Variants in PPFIA1 observed in about 807,000 individuals in gnomAD.
The protein encoded by PPFIA1 is liprin-alpha-1.
PPFIA1 carries 25 observed loss-of-function variants against 149.9 expected under a neutral mutation model. That is an observed-to-expected ratio of 0.17 (90% CI 0.12 to 0.23). PPFIA1 has a LOEUF of 0.23. Among genes scored for constraint, PPFIA1 ranks in the 10% least tolerant of loss-of-function variants. The pLI is 1.00. For missense variants in PPFIA1, 1,362 were observed against 1,506.5 expected (o/e 0.90, Z 1.59); for synonymous variants, 549 against 552.8 (o/e 0.99, Z 0.10).
At chr11:70,325,601 G>T in intron 5 of PPFIA1, 27 bp downstream of exon 5, 1 of 1,456,994 alleles carries the variant, frequency 6.9e-7, no homozygotes, top group South Asian at 1.1e-5. Context: ...ATCATGAGTT[G>T]AATTGGGGGG....
chr11:70,296,963 C>A (rs693315), intron 2 of PPFIA1, among the ~76,000 whole-genome samples: 69,817 of 151,854 alleles, frequency 0.46, 18,445 homozygotes, highest in African/African-American at 0.72. Context: ...TAATTCATGA[C>A]GCTCTCAGAA....
chr11:70,354,574 T>C (rs2056253883), intron 17 of PPFIA1, 122 bp downstream of exon 17: 2 of 1,117,138 alleles, frequency 1.8e-6, no homozygotes, highest in Admixed American at 2.8e-5. Context: ...TTAATTCAGT[T>C]GAGTGTATTT....
At chr11:70,362,903 A>T (rs574639642) in intron 21 of PPFIA1, 217 of 158,816 alleles carry the variant, frequency 1.4e-3, no homozygotes, top group Admixed American at 2.7e-3. Flanking sequence ...CTGGGATTAC[A>T]GGCGTGAGCC....
intron 15 of PPFIA1, among the ~76,000 whole-genome samples, chr11:70,344,531 G>A (rs1289934493): frequency 6.6e-6 from 1 of 152,228 alleles, no homozygotes; most frequent in African/African-American, 2.4e-5. Context: ...AAAGGAGCGC[G>A]TTGCTATCAC....
chr11:70,317,698 G>A (rs894897340), intron 2 of PPFIA1, among the ~76,000 whole-genome samples: 1 of 152,090 alleles, frequency 6.6e-6, no homozygotes, highest in Admixed American at 6.6e-5. Context: ...CGTGCTGGGG[G>A]GTTTGTGCAT....
chr11:70,319,673 G>A (rs2053824958), intron 2 of PPFIA1, among the ~76,000 whole-genome samples: 2 of 152,176 alleles, frequency 1.3e-5, no homozygotes, highest in Non-Finnish European at 2.9e-5. Flanking sequence ...AAAGCCTGTA[G>A]ATAAGGTGAT....
At chr11:70,292,374 T>C (rs561162618) in intron 2 of PPFIA1, among the ~76,000 whole-genome samples, 1 of 152,308 alleles carries the variant, frequency 6.6e-6, no homozygotes, top group African/African-American at 2.4e-5. Flanking sequence ...GATTCCCACA[T>C]TGGAGCGCGG....
chr11:70,305,361 C>T (rs750454968), intron 2 of PPFIA1, among the ~76,000 whole-genome samples: 11 of 152,020 alleles, frequency 7.2e-5, no homozygotes, highest in African/African-American at 1.7e-4. Flanking sequence ...ACCAACCCAC[C>T]GACTCATCTG....
chr11:70,333,421 G>A (rs1233400875), intron 9 of PPFIA1, 49 bp from the exon 10 acceptor site: 12 of 1,468,616 alleles, frequency 8.2e-6, no homozygotes, highest in Middle Eastern at 1.7e-4. Context: ...GCAGCATGTC[G>A]TTAATGAAGT....
chr11:70,296,501 G>A (rs1055104371), intron 2 of PPFIA1, among the ~76,000 whole-genome samples: 1 of 152,138 alleles, frequency 6.6e-6, no homozygotes, highest in African/African-American at 2.4e-5. Context: ...CCAACACAGC[G>A]AAACCCCGTC....
chr11:70,345,720 G>A (rs1033488153), intron 15 of PPFIA1, among the ~76,000 whole-genome samples: 1 of 152,136 alleles, frequency 6.6e-6, no homozygotes, highest in Non-Finnish European at 1.5e-5. Flanking sequence ...CCAGCTACTT[G>A]GGAGGCTGAG....
At position 70,330,156 on chromosome 11, in the gene PPFIA1, T is replaced by C. The variant is rs760811728; in HGVS notation, c.931-17T>C. 8 of 1,571,306 alleles carry C rather than the reference T, an allele frequency of 5.1e-6. No individual in the cohort carries two copies. In the South Asian group the frequency reaches 9.5e-5, roughly 19 times the overall value. On this transcript the variant is annotated splice_polypyrimidine_tract_variant and intron_variant, in intron 7 of 27. Coordinates refer to ENST00000253925, the MANE Select transcript of PPFIA1 (RefSeq NM_003626.5). ...TAATTACCTACTTTTTTGTCCCCTC[T>C]GAAATACCTAATTTAGGCCATGGCC...
Position 70,343,725 on chromosome 11 carries a change from A to C in PPFIA1, c.1764A>C (p.Ala588=). ...GTGCCCAGCAAGCTAGTGTCTTGGC[A>C]AATGTAGCACAAGCATTCGAGAGTG... is the stretch of plus-strand genomic sequence containing the variant. ...WERAQQASVL[A]NVAQAFESDA... The change falls in exon 15 of 28, where the codon GCA becomes GCC. Residue 588 remains alanine, a synonymous_variant. Coordinates refer to ENST00000253925, the MANE Select transcript of PPFIA1 (RefSeq NM_003626.5). 6.2e-7 allele frequency: 1 copy of C among 1,614,240 alleles called. No homozygotes were observed. The highest frequency in any genetic ancestry group is 8.5e-7 in the Non-Finnish European group (1 of 1,180,050).
chr11:70,373,547 TAGAC>T (rs1195594376), intron 23 of PPFIA1: 3 of 152,140 alleles, frequency 2.0e-5, no homozygotes, highest in Non-Finnish European at 4.4e-5. Context: ...CTTTTAAAAT[TAGAC>T]AGTAAACATT....
rs1328484968 is a variant in PPFIA1 at position 70,378,162 on chromosome 11, C to T, written c.3517C>T (p.Pro1173Ser). 3 of 1,614,108 alleles carry T rather than the reference C, an allele frequency of 1.9e-6. No individual in the cohort carries two copies. The highest frequency in any genetic ancestry group is 3.3e-5 in the Admixed American group (2 of 60,014). The change falls in exon 26 of 28, where the codon CCC becomes TCC. Residue 1173 changes from proline (P) to serine (S), a missense_variant. Around this residue, in one of 7 missense-constraint regions of PPFIA1, gnomAD observed 349 missense variants for 373.3 expected, o/e 0.93. Transcript: ENST00000253925. The part of the protein sequence containing the change: ...NFRVTSSMSS[P>S]SMQPKKMQMD... ...CCGGGTGACTTCTTCTATGTCTTCC[C>T]CCTCTATGCAGCCAAAGAAGATGCA...
rs1256847587 is a variant in PPFIA1 at position 70,315,376 on chromosome 11, C to T, written c.265-9026C>T. ...CCTTTTATCATTAGGAGTGGTGCAC[C>T]CTGCCATCTATCTATGGACTGACGG... On this transcript the variant is annotated intron_variant, in intron 2 of 27. Coordinates refer to ENST00000253925, the MANE Select transcript of PPFIA1 (RefSeq NM_003626.5). Among the ~76,000 whole-genome samples, 5 of 152,026 alleles carry T rather than the reference C, an allele frequency of 3.3e-5. No individual in the cohort carries two copies. In the East Asian group the frequency reaches 9.6e-4, roughly 29 times the overall value.
intron 2 of PPFIA1, among the ~76,000 whole-genome samples, chr11:70,292,581 G>A (rs2051610670): frequency 6.6e-6 from 1 of 152,204 alleles, no homozygotes; most frequent in Non-Finnish European, 1.5e-5. Context: ...TGTGTGTAAG[G>A]TACCGTCCAG....
intron 2 of PPFIA1, among the ~76,000 whole-genome samples, chr11:70,301,204 A>G (rs1032711383): frequency 6.6e-6 from 1 of 152,234 alleles, no homozygotes; most frequent in African/African-American, 2.4e-5. Context: ...CAATAAGTAG[A>G]CTTGATGAGA....
At chr11:70,376,888 A>G (rs543487034) in intron 25 of PPFIA1, among the ~76,000 whole-genome samples, 17 of 152,256 alleles carry the variant, frequency 1.1e-4, no homozygotes, top group African/African-American at 3.4e-4. Context: ...CCCGGCCAAC[A>G]TGGTGAAACC....
Sources: gnomAD v4.1 joint callset for allele counts (sites outside exome capture counted in the v4.1 genomes callset) on GRCh38, gnomAD v4.1.1 for gene constraint, gnomAD v4.1.1 regional missense constraint, MANE v1.5 for transcripts, NCBI Gene and HGNC (gene_info 2026-07-23, HGNC 2026-07-21) for gene names.